The following UBAC2 variants were observed in gnomAD, a reference collection of about 807,000 sequenced individuals.
UBAC2 encodes the protein ubiquitin-associated domain-containing protein 2.
Under a neutral mutation model 44.0 loss-of-function variants are expected in UBAC2, and 26 were observed. The observed-to-expected ratio is 0.59, with a 90% CI of 0.43 to 0.82. The LOEUF (loss-of-function observed/expected upper bound fraction) is 0.82. Among genes scored for constraint, UBAC2 ranks in the 40% least tolerant of loss-of-function variants. UBAC2 has a pLI of 0.00. For synonymous variants in UBAC2, 155 were observed against 154.3 expected (o/e 1.00, Z -0.04); for missense variants, 329 against 419.4 (o/e 0.78, Z 1.88).
At chr13:99,351,856 T>C (rs181837759) in intron 7 of UBAC2, 85 of 440,594 alleles carry the variant, frequency 1.9e-4, no homozygotes, top group Middle Eastern at 6.7e-4. Context: ...TGTTAACTGG[T>C]TGATTATCAC....
intron 7 of UBAC2, among the ~76,000 whole-genome samples, chr13:99,346,726 C>G (rs904069716): frequency 6.6e-6 from 1 of 152,128 alleles, no homozygotes; most frequent in Non-Finnish European, 1.5e-5. Flanking sequence ...CTGGGGGGCT[C>G]CCAGGGCTCT....
intron 4 of UBAC2, among the ~76,000 whole-genome samples, chr13:99,279,330 AG>A (rs1268451604): frequency 6.6e-6 from 1 of 152,196 alleles, no homozygotes; most frequent in Non-Finnish European, 1.5e-5. Flanking sequence ...TCTAGAATGA[AG>A]GATGTGAGAG....
At chr13:99,215,452 C>G in intron 1 of UBAC2, 1 of 1,371,514 alleles carries the variant, frequency 7.3e-7, no homozygotes, top group Non-Finnish European at 1.0e-6. Context: ...GCAATTGTAG[C>G]CTTGATGAGA....
intron 7 of UBAC2, 148 bp from the exon 8 acceptor site, chr13:99,367,639 T>C: frequency 8.8e-7 from 1 of 1,135,702 alleles, no homozygotes. Flanking sequence ...TGTGATACTT[T>C]TGAATTTGAA....
At position 99,243,893 on chromosome 13, in the gene UBAC2, G is replaced by C; in HGVS notation, c.221G>C (p.Ser74Thr). The C allele has an allele frequency of 6.4e-7, 1 of 1,566,008 alleles. No homozygotes were observed. Among genetic ancestry groups the C allele is most frequent in the Non-Finnish European group, 8.7e-7 (1 of 1,153,480 alleles). ...GATTTGAAAGATACTTTCTGCAGTA[G>C]TCTGCTTATTTATAATTTTAGGATA... ...CLDLKDTFCSSLLIYNFRIFE... is the reference protein window; with the variant it reads ...CLDLKDTFCSTLLIYNFRIFE... The change falls in exon 3 of 9, where the codon AGT becomes ACT. Residue 74 changes from serine (S) to threonine (T), a missense_variant. By Grantham distance (58) the Ser-to-Thr change is moderately conservative. Coordinates refer to ENST00000403766, the MANE Select transcript of UBAC2 (RefSeq NM_001144072.2).
intron 1 of UBAC2, among the ~76,000 whole-genome samples, chr13:99,226,741 T>C (rs1270109931): frequency 6.6e-6 from 1 of 152,216 alleles, no homozygotes; most frequent in Non-Finnish European, 1.5e-5. Flanking sequence ...GGCAGCCTTA[T>C]CATCTCTTAA....
intron 4 of UBAC2, among the ~76,000 whole-genome samples, chr13:99,253,462 T>C (rs58218583): frequency 0.011 from 1,637 of 152,218 alleles, 31 homozygotes; most frequent in African/African-American, 0.038. Flanking sequence ...AGACTTTTTG[T>C]GTTTATCTTT....
intron 2 of UBAC2, among the ~76,000 whole-genome samples, chr13:99,240,205 C>T (rs549135507): frequency 2.0e-5 from 3 of 152,150 alleles, no homozygotes; most frequent in South Asian, 2.1e-4. Flanking sequence ...GTTGCAGAAG[C>T]AGTGCTTTGC....
intron 8 of UBAC2, among the ~76,000 whole-genome samples, chr13:99,378,434 G>C (rs778549323): frequency 6.6e-6 from 1 of 152,214 alleles, no homozygotes. Context: ...GGCTGAGGCA[G>C]GAGAATGGCT....
chr13:99,239,509 T>C (rs746217690), intron 2 of UBAC2, among the ~76,000 whole-genome samples: 6 of 152,242 alleles, frequency 3.9e-5, no homozygotes, highest in Non-Finnish European at 7.3e-5. Flanking sequence ...TGGGCATTGC[T>C]GTACATTTAA....
At chr13:99,313,991 C>G in intron 4 of UBAC2, 106 bp from the exon 5 acceptor site, 1 of 1,097,232 alleles carries the variant, frequency 9.1e-7, no homozygotes, top group Non-Finnish European at 1.3e-6. Flanking sequence ...TAAGACCATG[C>G]TTTCAGACTG....
chr13:99,209,712 G>A lies in UBAC2; in HGVS notation c.31+8773G>A, dbSNP rs1333792981. On this transcript the variant is annotated intron_variant, in intron 1 of 8. Transcript: ENST00000403766. ...TTAGCGGCTGGGCATAGTGGCTCACGCCTGTAATCCCAGCACTTTGGGAGG... is the reference window on the plus strand; with the variant it reads ...TTAGCGGCTGGGCATAGTGGCTCACACCTGTAATCCCAGCACTTTGGGAGG... Among the ~76,000 whole-genome samples, 3 of 152,188 alleles carry A rather than the reference G, an allele frequency of 2.0e-5. No homozygotes were observed. The East Asian group carries it at 5.8e-4, about 29-fold the overall frequency.
intron 4 of UBAC2, among the ~76,000 whole-genome samples, chr13:99,306,511 G>A (rs753673096): frequency 2.6e-4 from 40 of 151,320 alleles, no homozygotes; most frequent in Admixed American, 5.3e-4. Context: ...AAAATACCAC[G>A]CCCCCCTCCC....
intron 1 of UBAC2, chr13:99,231,654 AC>A (rs2043174540): frequency 6.6e-6 from 1 of 151,356 alleles, no homozygotes; most frequent in African/African-American, 2.4e-5. Flanking sequence ...TAAGTGATCT[AC>A]CCGTCTCGGC....
chr13:99,320,804 C>T (rs1228207765), intron 6 of UBAC2, among the ~76,000 whole-genome samples: 5 of 152,182 alleles, frequency 3.3e-5, no homozygotes, highest in Non-Finnish European at 5.9e-5. Context: ...GTTTGATTTA[C>T]ACACCACTGA....
chr13:99,337,200 T>G (rs2044801785), intron 6 of UBAC2, among the ~76,000 whole-genome samples: 1 of 152,328 alleles, frequency 6.6e-6, no homozygotes, highest in Non-Finnish European at 1.5e-5. Context: ...AAACACCCTG[T>G]TAAGATTTTA....
chr13:99,257,253 A>G (rs889199996), intron 4 of UBAC2, among the ~76,000 whole-genome samples: 5 of 152,214 alleles, frequency 3.3e-5, no homozygotes, highest in Non-Finnish European at 2.9e-5. Context: ...GGAAAGTGCT[A>G]CAGAGAAAAA....
chr13:99,223,632 AT>A (rs2043078382), intron 1 of UBAC2, among the ~76,000 whole-genome samples: 1 of 129,976 alleles, frequency 7.7e-6, no homozygotes, highest in Non-Finnish European at 1.6e-5. Flanking sequence ...TTTATGCTAC[AT>A]TTTCCCCTCT....
chr13:99,377,838 C>A (rs1408487908), intron 8 of UBAC2, among the ~76,000 whole-genome samples: 1 of 152,192 alleles, frequency 6.6e-6, no homozygotes, highest in Non-Finnish European at 1.5e-5. Context: ...GCATCCCTCT[C>A]ATCTCCCAAA....
Sources: gnomAD v4.1 joint callset for allele counts (sites outside exome capture counted in the v4.1 genomes callset) on GRCh38, gnomAD v4.1.1 for gene constraint, MANE v1.5 for transcripts, NCBI Gene and HGNC (gene_info 2026-07-23, HGNC 2026-07-21) for gene names.